The following DOK5 variants were observed in gnomAD, a reference collection of about 807,000 sequenced individuals.
DOK5 encodes the protein downstream of tyrosine kinase 5.
DOK5 carries 27 observed loss-of-function variants against 43.3 expected under a neutral mutation model. That is an observed-to-expected ratio of 0.62 (90% CI 0.46 to 0.86). The LOEUF is 0.86. DOK5 is among the 40% of genes least tolerant of loss of function. The probability of loss-of-function intolerance (pLI) is 0.00; values close to 1 mark genes in which losing one functional copy is unlikely to be tolerated. For missense variants in DOK5, 373 were observed against 392.9 expected, an observed-to-expected ratio of 0.95 and a Z score of 0.43; for synonymous variants, 146 against 140.1, an observed-to-expected ratio of 1.04 and a Z score of -0.30.
At chr20:54,486,092 GTT>G (rs576946744) in intron 1 of DOK5, among the ~76,000 whole-genome samples, 57 of 152,078 alleles carry the variant, frequency 3.7e-4, no homozygotes, top group Non-Finnish European at 7.8e-4. Context: ...TCCTGAAGAT[GTT>G]TCAATTTTTT....
intron 1 of DOK5, among the ~76,000 whole-genome samples, chr20:54,507,534 A>G (rs1982853687): frequency 6.6e-6 from 1 of 152,228 alleles, no homozygotes; most frequent in African/African-American, 2.4e-5. Context: ...CTGTGGCACA[A>G]TTCTTTTCAG....
intron 1 of DOK5, among the ~76,000 whole-genome samples, chr20:54,507,310 G>A (rs6023322): frequency 0.018 from 2,739 of 152,162 alleles, 87 homozygotes; most frequent in African/African-American, 0.063. Flanking sequence ...CATAATTAGA[G>A]GCCACATGTG....
rs73913645 is a variant in DOK5, at chr20:54,649,889, C to T, written c.857-526C>T. On this transcript the variant is annotated intron_variant, in intron 7 of 7. Transcript: ENST00000262593. Reference sequence around the variant, plus strand: ...GCTCTTTCTAGAAAATGCTTGACAACCCTTATATTATTAATATGTCACAAA... The same window carrying T: ...GCTCTTTCTAGAAAATGCTTGACAATCCTTATATTATTAATATGTCACAAA... 8.5e-3 allele frequency among the ~76,000 whole-genome samples: 1,293 copies of T among 152,282 alleles called. 24 individuals are homozygous for T. Among genetic ancestry groups the T allele is most frequent in the African/African-American group, 0.03 (1,235 of 41,566 alleles).
chr20:54,566,220 C>G (rs1486091183), intron 2 of DOK5, among the ~76,000 whole-genome samples: 1 of 151,642 alleles, frequency 6.6e-6, no homozygotes, highest in East Asian at 1.9e-4. Flanking sequence ...TCCCTTGGGA[C>G]TTATCCAAGT....
intron 2 of DOK5, among the ~76,000 whole-genome samples, chr20:54,566,720 G>A (rs1985111625): frequency 6.6e-6 from 1 of 152,138 alleles, no homozygotes; most frequent in Admixed American, 6.5e-5. Flanking sequence ...GGCCTCAAGA[G>A]ATCCTCTCAC....
Position 54,638,047 on chromosome 20 carries a change from G to A in DOK5, c.736-5411G>A, listed in dbSNP as rs372649736. Among the ~76,000 whole-genome samples the A allele has an allele frequency of 1.7e-4, 26 of 151,922 alleles. No homozygotes were observed. The East Asian group carries it at 2.0e-3, about 11-fold the overall frequency. ...TGAGGCAGGAGAATGGTGTGAACCC[G>A]GGAGGCGGAGCTTGCAGTGAGCCGA... On this transcript the variant is annotated intron_variant, in intron 6 of 7. Transcript: ENST00000262593.
intron 7 of DOK5, among the ~76,000 whole-genome samples, chr20:54,648,867 C>T (rs981072628): frequency 2.0e-5 from 3 of 152,192 alleles, no homozygotes; most frequent in Admixed American, 6.5e-5. Flanking sequence ...GTTCCTCTAA[C>T]TCTCTCACCT....
chr20:54,624,663 A>AT (rs34097838), intron 6 of DOK5, among the ~76,000 whole-genome samples: 42,364 of 152,010 alleles, frequency 0.28, 6,652 homozygotes, highest in African/African-American at 0.4. Context: ...GGGGGAGAGA[A>AT]TTTTTTTAGT....
intron 1 of DOK5, among the ~76,000 whole-genome samples, chr20:54,488,312 C>A (rs1876229859): frequency 6.6e-6 from 1 of 152,182 alleles, no homozygotes. Flanking sequence ...TTGAATCCAT[C>A]TTCTCCATTA....
chr20:54,587,220 G>A (rs1465677242), intron 2 of DOK5, among the ~76,000 whole-genome samples: 2 of 152,178 alleles, frequency 1.3e-5, no homozygotes, highest in Admixed American at 6.5e-5. Flanking sequence ...AGTCACTGAC[G>A]TGATCGGTTT....
intron 6 of DOK5, among the ~76,000 whole-genome samples, chr20:54,629,431 A>G (rs2146814459): frequency 6.6e-6 from 1 of 152,364 alleles, no homozygotes; most frequent in East Asian, 1.9e-4. Flanking sequence ...AACATACTCT[A>G]TAAAACAAGT....
At chr20:54,630,002 G>A (rs866496549) in intron 6 of DOK5, among the ~76,000 whole-genome samples, 5 of 152,214 alleles carry the variant, frequency 3.3e-5, no homozygotes, top group Non-Finnish European at 5.9e-5. Flanking sequence ...GTAGCTATGA[G>A]CTATGGATTT....
At chr20:54,615,712 C>A (rs1383973025) in intron 6 of DOK5, among the ~76,000 whole-genome samples, 1 of 152,128 alleles carries the variant, frequency 6.6e-6, no homozygotes, top group African/African-American at 2.4e-5. Flanking sequence ...GAGATTGAGA[C>A]CAGCCTGGCC....
At chr20:54,520,183 G>T (rs143442830) in intron 1 of DOK5, among the ~76,000 whole-genome samples, 24 of 152,150 alleles carry the variant, frequency 1.6e-4, no homozygotes, top group African/African-American at 5.8e-4. Context: ...CTCAGTAAAC[G>T]ACATCTCCAA....
chr20:54,540,047 G>A (rs1322632758), intron 1 of DOK5, among the ~76,000 whole-genome samples: 1 of 152,140 alleles, frequency 6.6e-6, no homozygotes, highest in Non-Finnish European at 1.5e-5. Context: ...GTAAGCAGGG[G>A]TCAGTTATAT....
intron 6 of DOK5, among the ~76,000 whole-genome samples, chr20:54,630,977 T>A (rs1191904335): frequency 1.3e-5 from 2 of 152,212 alleles, no homozygotes; most frequent in Non-Finnish European, 2.9e-5. Flanking sequence ...GGTCAGAATT[T>A]AATTTTACTG....
chr20:54,628,433 A>G (rs975832082), intron 6 of DOK5, among the ~76,000 whole-genome samples: 3 of 147,730 alleles, frequency 2.0e-5, no homozygotes, highest in African/African-American at 5.1e-5. Flanking sequence ...AAAAAAAAAA[A>G]AAAAAAAAAA....
At chr20:54,532,386 A>G (rs1983806616) in intron 1 of DOK5, among the ~76,000 whole-genome samples, 1 of 152,216 alleles carries the variant, frequency 6.6e-6, no homozygotes, top group Non-Finnish European at 1.5e-5. Flanking sequence ...AGAAGAAGGC[A>G]TTAGGAGAGG....
At chr20:54,517,352 C>T (rs1430175283) in intron 1 of DOK5, among the ~76,000 whole-genome samples, 1 of 152,090 alleles carries the variant, frequency 6.6e-6, no homozygotes, top group Non-Finnish European at 1.5e-5. Context: ...TGAAATAAAA[C>T]TAAAGCATCA....
Sources: gnomAD v4.1 joint callset for allele counts (sites outside exome capture counted in the v4.1 genomes callset) on GRCh38, gnomAD v4.1.1 for gene constraint, MANE v1.5 for transcripts, NCBI Gene and HGNC (gene_info 2026-07-23, HGNC 2026-07-21) for gene names.